Variants in TFAP4 observed in about 807,000 individuals in gnomAD.
The protein encoded by TFAP4 is transcription factor AP-4, also known as activating enhancer-binding protein 4.
TFAP4 carries 7 observed loss-of-function variants against 40.4 expected under a neutral mutation model. The ratio of observed to expected loss-of-function variants is 0.17; its 90% CI spans 0.10 to 0.33. The LOEUF (loss-of-function observed/expected upper bound fraction) is 0.33. Ranked by LOEUF, TFAP4 falls within the 10% of genes least tolerant of loss-of-function variation. The pLI, the probability that TFAP4 is intolerant of heterozygous loss-of-function variation, is 1.00. For synonymous variants in TFAP4, 218 were observed against 181.4 expected, an observed-to-expected ratio of 1.20 and a Z score of -1.62; for missense variants, 374 against 451.1, an observed-to-expected ratio of 0.83 and a Z score of 1.55.
In TFAP4 at chr16:4,262,131, C is replaced by G. The variant is rs1442402758; in HGVS notation, c.355-182G>C. 5.6e-6 allele frequency: 5 copies of G among 890,564 alleles called. No homozygotes were observed. The South Asian group carries it at 8.5e-5, about 15-fold the overall frequency. 55.2% of individuals were successfully genotyped at this position (890,564 alleles called of 1,614,324 possible). A position where few individuals can be genotyped will look rare whatever the true frequency, so the allele number is the denominator to read the frequency against. ...ATGGGCTGCTTTACATAACAGTCAC[C>G]TGGCTCCTTCCAGAGCCCACTCCAC... On this transcript the variant is annotated intron_variant, in intron 3 of 6. Coordinates refer to ENST00000204517, the MANE Select transcript of TFAP4 (RefSeq NM_003223.3).
intron 6 of TFAP4, 113 bp from the exon 7 acceptor site, chr16:4,258,362 A>G (rs1172931526): frequency 1.9e-6 from 2 of 1,051,396 alleles, no homozygotes; most frequent in Non-Finnish European, 2.7e-6. Context: ...GCCCAGAAAA[A>G]AGCCTGGCAA....
chr16:4,268,117 G>A (rs2053012164), intron 1 of TFAP4: 1 of 152,228 alleles, frequency 6.6e-6, no homozygotes, highest in Admixed American at 6.5e-5. Flanking sequence ...ACTTCACAGG[G>A]TCATGGTGAA....
intron 1 of TFAP4, among the ~76,000 whole-genome samples, chr16:4,267,442 T>C (rs764542687): frequency 6.6e-6 from 1 of 152,190 alleles, no homozygotes; most frequent in African/African-American, 2.4e-5. Flanking sequence ...GGAACAAAAT[T>C]TGGGCACCAG....
chr16:4,267,800 C>T (rs1232153943), intron 1 of TFAP4, among the ~76,000 whole-genome samples: 2 of 152,242 alleles, frequency 1.3e-5, no homozygotes, highest in Non-Finnish European at 2.9e-5. Context: ...GGCACTCATC[C>T]TTCTCTAACC....
At chr16:4,271,873 C>A (rs1253309496) in intron 1 of TFAP4, among the ~76,000 whole-genome samples, 2 of 152,204 alleles carry the variant, frequency 1.3e-5, no homozygotes, top group African/African-American at 4.8e-5. Context: ...GGCCCAGGAG[C>A]GCCTACAAAT....
chr16:4,271,569 G>C (rs1243848272), intron 1 of TFAP4, among the ~76,000 whole-genome samples: 1 of 152,240 alleles, frequency 6.6e-6, no homozygotes, highest in Non-Finnish European at 1.5e-5. Flanking sequence ...TGTGGTCCTT[G>C]AGTCCATCAC....
At chr16:4,261,643 C>T in intron 4 of TFAP4, 136 bp downstream of exon 4, 1 of 1,048,634 alleles carries the variant, frequency 9.5e-7, no homozygotes, top group Non-Finnish European at 1.3e-6. Flanking sequence ...TGGCTTGCTC[C>T]CCACTCCTAG....
In TFAP4 at chr16:4,260,002, G is replaced by A. The variant is rs372409954; in HGVS notation, c.822+88C>T. On this transcript the variant is annotated intron_variant, in intron 6 of 6. Transcript: ENST00000204517. ...TCCCACACAAGCACCATCTTCCTCC[G>A]CTTCTGCCCCTCTTTTCCAGTCTCC... The A allele has an allele frequency of 5.1e-5, 74 of 1,447,144 alleles. 1 individual carries two copies. In the African/African-American group the frequency reaches 5.7e-4, roughly 11 times the overall value. 89.6% of individuals were successfully genotyped at this position (1,447,144 alleles called of 1,614,324 possible).
At chr16:4,262,225 G>T in intron 3 of TFAP4, 99 bp downstream of exon 3, 2 of 1,353,394 alleles carry the variant, frequency 1.5e-6, no homozygotes, top group Non-Finnish European at 2.1e-6. Flanking sequence ...TTGTCAGTGG[G>T]CAAGAAGGGG....
chr16:4,257,999 G>T lies in TFAP4; in HGVS notation c.*56C>A. On this transcript the variant is annotated 3_prime_UTR_variant, in exon 7 of 7. Coordinates refer to ENST00000204517, the MANE Select transcript of TFAP4 (RefSeq NM_003223.3). ...CACTCATTCGCCCATGTCTCTCCCT[G>T]TGGCTGCCCCGGCTCCCTCCAGCCC... 1 of 1,544,318 alleles carries T rather than the reference G, an allele frequency of 6.5e-7. No homozygotes were observed. Among genetic ancestry groups the T allele is most frequent in the Non-Finnish European group, 8.8e-7 (1 of 1,139,928 alleles).
Position 4,258,148 on chromosome 16 carries a change from G to A in TFAP4, c.924C>T (p.Pro308=). 2 of 1,613,972 alleles carry A rather than the reference G, an allele frequency of 1.2e-6. No individual in the cohort carries two copies. The highest frequency in any genetic ancestry group is 1.7e-6 in the Non-Finnish European group (2 of 1,179,986). Residue 308 remains proline (P), a synonymous_variant, in exon 7 of 7, where the codon CCC becomes CCT. Coordinates refer to ENST00000204517, the MANE Select transcript of TFAP4 (RefSeq NM_003223.3). The part of the protein sequence containing the change: ...VKPVRSCPEA[P]TSDTASDSEA... ...CGGAGTCGGAGGCGGTGTCAGAGGTGGGGGCCTCCGGGCAGCTGCGGACAG... is the reference window on the plus strand; with the variant it reads ...CGGAGTCGGAGGCGGTGTCAGAGGTAGGGGCCTCCGGGCAGCTGCGGACAG...
Position 4,257,739 on chromosome 16 carries a change from CAT to C in TFAP4, c.*314_*315del. 3.8e-6 allele frequency: 1 copy of C among 264,702 alleles called. No homozygotes were observed. The highest frequency in any genetic ancestry group is 7.1e-6 in the Non-Finnish European group (1 of 140,038). The allele number at this position is 264,702 out of a possible 1,614,324, so 16.4% of individuals were successfully genotyped here. A position where few individuals can be genotyped will look rare whatever the true frequency, so the allele number is the denominator to read the frequency against. ...TTTAATTTTCCCTGTTCTTAAAAAA[CAT>C]ATTTAAAGGAAAAAATGCTTTTTGG... is the stretch of plus-strand genomic sequence containing the variant. On this transcript the variant is annotated 3_prime_UTR_variant, in exon 7 of 7. Transcript: ENST00000204517.
chr16:4,261,195 C>T (rs934524592), intron 4 of TFAP4, among the ~76,000 whole-genome samples: 1 of 152,050 alleles, frequency 6.6e-6, no homozygotes, highest in Admixed American at 6.6e-5. Context: ...TGATCTCAAA[C>T]TCCTGGGCTC....
At chr16:4,270,776 C>A (rs2141098089) in intron 1 of TFAP4, among the ~76,000 whole-genome samples, 1 of 152,330 alleles carries the variant, frequency 6.6e-6, no homozygotes, top group Non-Finnish European at 1.5e-5. Context: ...GGCCCCCCAA[C>A]CCTGCCCAGG....
intron 1 of TFAP4, among the ~76,000 whole-genome samples, chr16:4,271,079 T>C (rs2053036286): frequency 6.6e-6 from 1 of 152,192 alleles, no homozygotes; most frequent in Admixed American, 6.5e-5. Context: ...TACTGGGCCC[T>C]CCAGGTGGGC....
intron 4 of TFAP4, 56 bp downstream of exon 4, chr16:4,261,723 C>G: frequency 1.3e-6 from 2 of 1,499,476 alleles, no homozygotes; most frequent in South Asian, 1.3e-5. Flanking sequence ...AGGCGCGACC[C>G]CAGGCTCCAC....
chr16:4,269,926 A>T (rs573673960), intron 1 of TFAP4, among the ~76,000 whole-genome samples: 1 of 152,264 alleles, frequency 6.6e-6, no homozygotes, highest in South Asian at 2.1e-4. Flanking sequence ...CATGCCTGTA[A>T]TCCTAGTACT....
intron 6 of TFAP4, among the ~76,000 whole-genome samples, chr16:4,259,394 C>G (rs1294589806): frequency 6.6e-6 from 1 of 152,092 alleles, no homozygotes; most frequent in Non-Finnish European, 1.5e-5. Flanking sequence ...TTTGGCCTCC[C>G]AAAGTGCTGG....
intron 1 of TFAP4, among the ~76,000 whole-genome samples, chr16:4,269,762 A>G (rs2053026739): frequency 6.8e-6 from 1 of 147,330 alleles, no homozygotes; most frequent in African/African-American, 2.7e-5. Flanking sequence ...GTGAGCCGAG[A>G]TTGCGCCACT....
Sources: allele counts gnomAD v4.1 joint callset (sites outside exome capture counted in the v4.1 genomes callset), GRCh38; gene constraint gnomAD v4.1.1; transcripts MANE v1.5; gene names NCBI Gene and HGNC (gene_info 2026-07-23, HGNC 2026-07-21).